Variants in ATXN1 observed in about 807,000 individuals in gnomAD.
ATXN1 encodes the protein ataxin-1.
Under a neutral mutation model 56.4 loss-of-function variants are expected in ATXN1, and 8 were observed. The ratio of observed to expected loss-of-function variants is 0.14; its 90% CI spans 0.08 to 0.26. ATXN1 has a LOEUF of 0.26. ATXN1 is among the 10% of genes least tolerant of loss of function. ATXN1 has a pLI of 1.00. For synonymous variants in ATXN1, 514 were observed against 494.6 expected, an observed-to-expected ratio of 1.04 and a Z score of -0.52; for missense variants, 987 against 1,106.5, an observed-to-expected ratio of 0.89 and a Z score of 1.53.
chr6:16,391,751 A>G (rs1485988090), intron 6 of ATXN1, among the ~76,000 whole-genome samples: 2 of 152,188 alleles, frequency 1.3e-5, no homozygotes, highest in East Asian at 3.8e-4. Context: ...ACCTGTAAGC[A>G]TGGCAGGAAG....
intron 1 of ATXN1, among the ~76,000 whole-genome samples, chr6:16,757,338 G>A (rs1760916866): frequency 1.3e-5 from 2 of 152,084 alleles, no homozygotes; most frequent in African/African-American, 4.8e-5. Flanking sequence ...ATTTATTTGT[G>A]CACTGAAAAA....
At chr6:16,530,555 C>G (rs1761483894) in intron 4 of ATXN1, among the ~76,000 whole-genome samples, 2 of 151,968 alleles carry the variant, frequency 1.3e-5, no homozygotes, top group African/African-American at 4.8e-5. Context: ...TACAAAACGA[C>G]TACCCCATCG....
chr6:16,350,897 A>G (rs368419089), intron 6 of ATXN1, among the ~76,000 whole-genome samples: 2 of 152,292 alleles, frequency 1.3e-5, no homozygotes, highest in South Asian at 4.1e-4. Context: ...AGCCTGGGTA[A>G]CAAAGTGAGG....
chr6:16,490,837 T>G (rs1003496089), intron 5 of ATXN1, among the ~76,000 whole-genome samples: 1 of 152,132 alleles, frequency 6.6e-6, no homozygotes. Flanking sequence ...GGGGTAGGCA[T>G]GTACCCAAGG....
chr6:16,759,498 A>T (rs1760991368), intron 1 of ATXN1, among the ~76,000 whole-genome samples: 1 of 134,908 alleles, frequency 7.4e-6, no homozygotes, highest in Non-Finnish European at 1.5e-5. Context: ...TGTTAGCCAC[A>T]TCGCGCATTA....
intron 5 of ATXN1, among the ~76,000 whole-genome samples, chr6:16,489,909 G>A (rs940323792): frequency 1.2e-4 from 19 of 152,116 alleles, no homozygotes; most frequent in Non-Finnish European, 2.8e-4. Flanking sequence ...GATTCAGTAG[G>A]CTTGGGGTGG....
rs756566157 is a variant in ATXN1 at position 16,326,401 on chromosome 6, C to T, written c.1910G>A (p.Arg637Gln). 12 of 1,613,156 alleles carry T rather than the reference C, an allele frequency of 7.4e-6. No individual in the cohort carries two copies. Among genetic ancestry groups the T allele is most frequent in the South Asian group, 5.5e-5 (5 of 91,056 alleles). ...CACCCTGGCTAACGTTACCTGGGCT[C>T]GGTGCTCCCCGACGGCGAACTGTAT... The part of the protein sequence containing the change: ...AVIQFAVGEH[R>Q]AQVSVEVLVE... Residue 637 changes from arginine (R) to glutamine (Q), a missense_variant, in exon 7 of 8, where the codon CGA (arginine) becomes CAA (glutamine). This residue lies in a region of ATXN1 where 68 missense variants were observed against 118.1 expected (regional missense o/e 0.58). Transcript: ENST00000436367. The surrounding 1 kb of genome is among the most constrained non-coding windows in gnomAD (Gnocchi z 6.6).
At chr6:16,620,166 T>C (rs1763292631) in intron 3 of ATXN1, among the ~76,000 whole-genome samples, 1 of 152,018 alleles carries the variant, frequency 6.6e-6, no homozygotes. Flanking sequence ...TTGATCTTAT[T>C]TCTATGCTAG....
intron 2 of ATXN1, among the ~76,000 whole-genome samples, chr6:16,733,535 G>A (rs1760039088): frequency 6.6e-6 from 1 of 151,750 alleles, no homozygotes; most frequent in African/African-American, 2.4e-5. Flanking sequence ...CTGCACTCCA[G>A]TTCGGACAAC....
chr6:16,748,780 A>G (rs1048052267), intron 2 of ATXN1, among the ~76,000 whole-genome samples: 2 of 152,126 alleles, frequency 1.3e-5, no homozygotes, highest in African/African-American at 2.4e-5. Flanking sequence ...TGAAAGTTAA[A>G]TAAGTCACTG....
chr6:16,397,545 G>A (rs775296785), intron 6 of ATXN1, among the ~76,000 whole-genome samples: 5 of 152,092 alleles, frequency 3.3e-5, no homozygotes, highest in Admixed American at 6.6e-5. Flanking sequence ...GTGCCCGGCC[G>A]CCAGTAGTAG....
At chr6:16,489,498 C>A (rs1035874836) in intron 5 of ATXN1, among the ~76,000 whole-genome samples, 2 of 152,160 alleles carry the variant, frequency 1.3e-5, no homozygotes, top group African/African-American at 4.8e-5. Context: ...TTGTCATCTC[C>A]TTTCAAGATT....
rs866354185 is a variant in ATXN1 at position 16,327,593 on chromosome 6, G to C, written c.718C>G (p.Pro240Ala). Residue 240 changes from proline (P) to alanine (A), a missense_variant, in exon 7 of 8, where the codon CCA becomes GCA. Pro to Ala is a conservative substitution (Grantham distance 27, BLOSUM62 -1). Around this residue, in one of 3 missense-constraint regions of ATXN1, gnomAD observed 723 missense variants for 791.7 expected, o/e 0.91. Transcript: ENST00000436367. The part of the protein sequence containing the change: ...APGLITPGSP[P>A]PAQQNQYVHI... Reference sequence around the variant, plus strand: ...ACGTACTGGTTCTGCTGGGCTGGTGGGGGGGACCCCGGGGTGATGAGCCCC... The same window carrying C: ...ACGTACTGGTTCTGCTGGGCTGGTGCGGGGGACCCCGGGGTGATGAGCCCC... 7 of 1,596,028 alleles carry C rather than the reference G, an allele frequency of 4.4e-6. No individual in the cohort carries two copies. Among genetic ancestry groups the C allele is most frequent in the Non-Finnish European group, 6.0e-6 (7 of 1,172,270 alleles).
At chr6:16,678,360 C>T (rs1187772154) in intron 2 of ATXN1, among the ~76,000 whole-genome samples, 1 of 152,234 alleles carries the variant, frequency 6.6e-6, no homozygotes, top group Non-Finnish European at 1.5e-5. Context: ...AATCTTACTT[C>T]AAATTCTTAC....
At chr6:16,688,145 TAAAATA>T (rs1213782289) in intron 2 of ATXN1, among the ~76,000 whole-genome samples, 1 of 152,138 alleles carries the variant, frequency 6.6e-6, no homozygotes, top group Non-Finnish European at 1.5e-5. Flanking sequence ...AGTGGTTACC[TAAAATA>T]AAAAGTAACC....
At position 16,326,707 on chromosome 6, in the gene ATXN1, G is replaced by T; in HGVS notation, c.1604C>A (p.Pro535His). The part of the protein sequence containing the change: ...TALPKSENFN[P>H]EALVTQAAYP... Reference sequence around the variant, plus strand: ...GGCGGCCTGGGTGACCAGGGCCTCAGGGTTGAAGTTCTCGCTCTTGGGAAG... The same window carrying T: ...GGCGGCCTGGGTGACCAGGGCCTCATGGTTGAAGTTCTCGCTCTTGGGAAG... Residue 535 changes from proline (P) to histidine (H), a missense_variant, in exon 7 of 8, where the codon CCT becomes CAT. Around this residue, in one of 3 missense-constraint regions of ATXN1, gnomAD observed 723 missense variants for 791.7 expected, o/e 0.91. Coordinates refer to ENST00000436367, the MANE Select transcript of ATXN1 (RefSeq NM_001128164.2). This position sits in a 1 kb window ranked among gnomAD's most constrained non-coding sequence, Gnocchi z 6.6. The T allele has an allele frequency of 6.2e-7, 1 of 1,613,474 alleles. No individual in the cohort carries two copies. Among genetic ancestry groups the T allele is most frequent in the South Asian group, 1.1e-5 (1 of 91,090 alleles).
chr6:16,503,291 G>A (rs1477729007), intron 5 of ATXN1, among the ~76,000 whole-genome samples: 1 of 152,180 alleles, frequency 6.6e-6, no homozygotes, highest in African/African-American at 2.4e-5. Flanking sequence ...AATGTGGTCT[G>A]ACCTCCACCG....
At chr6:16,723,293 AT>A (rs1330023397) in intron 2 of ATXN1, among the ~76,000 whole-genome samples, 2 of 152,142 alleles carry the variant, frequency 1.3e-5, no homozygotes, top group South Asian at 4.1e-4. Context: ...CTCTGGGGAC[AT>A]TTTCATTTTA....
chr6:16,462,968 A>G (rs1314979192), intron 6 of ATXN1, among the ~76,000 whole-genome samples: 3 of 146,072 alleles, frequency 2.1e-5, no homozygotes. Flanking sequence ...TCACCCCTGG[A>G]CCCCCTGCAG....
Sources: gnomAD v4.1 joint callset for allele counts (sites outside exome capture counted in the v4.1 genomes callset) on GRCh38, gnomAD v4.1.1 for gene constraint, gnomAD v4.1.1 regional missense constraint, Gnocchi (gnomAD v3.1) non-coding constraint, MANE v1.5 for transcripts, NCBI Gene and HGNC (gene_info 2026-07-23, HGNC 2026-07-21) for gene names.